Variants in DPP10 observed in about 807,000 individuals in gnomAD.
The protein encoded by DPP10 is dipeptidyl peptidase like 10.
A neutral mutation model predicts 120.9 loss-of-function variants in DPP10; 33 were observed. The ratio of observed to expected loss-of-function variants is 0.27; its 90% CI spans 0.21 to 0.37. DPP10 has a LOEUF of 0.37. Ranked by LOEUF, DPP10 falls within the 10% of genes least tolerant of loss-of-function variation. The pLI, the probability that DPP10 is intolerant of heterozygous loss-of-function variation, is 1.00. For missense variants in DPP10, 816 were observed against 942.8 expected (o/e 0.87, Z 1.76); for synonymous variants, 337 against 326.1 (o/e 1.03, Z -0.36).
intron 1 of DPP10, among the ~76,000 whole-genome samples, chr2:114,748,069 G>C (rs1678750485): frequency 6.6e-6 from 1 of 151,822 alleles, no homozygotes; most frequent in Non-Finnish European, 1.5e-5. Context: ...ATAGAAACTT[G>C]CACATTTTAT....
intron 1 of DPP10, among the ~76,000 whole-genome samples, chr2:114,544,461 T>C (rs1015983767): frequency 3.3e-5 from 5 of 152,308 alleles, no homozygotes; most frequent in East Asian, 1.9e-4. Context: ...GCAATTTCAG[T>C]AGACTGTGAT....
At chr2:114,795,953 C>T (rs1182888408) in intron 1 of DPP10, among the ~76,000 whole-genome samples, 2 of 152,148 alleles carry the variant, frequency 1.3e-5, no homozygotes, top group African/African-American at 4.8e-5. Flanking sequence ...ATCATAACTG[C>T]ATACAATTAA....
chr2:114,529,778 T>A lies in DPP10; in HGVS notation c.60+86940T>A, dbSNP rs139273835. On this transcript the variant is annotated intron_variant, in intron 1 of 25. Transcript: ENST00000410059. ...CAGGGGGGTTTGTTGTACAGATTAT[T>A]TCATCACACAGGTATTAAGCCTAGT... is the stretch of plus-strand genomic sequence containing the variant. Among the ~76,000 whole-genome samples, 48 of 152,270 alleles carry A rather than the reference T, an allele frequency of 3.2e-4. No individual in the cohort carries two copies. The East Asian group carries it at 6.4e-3, about 20-fold the overall frequency.
chr2:115,826,328 T>A (rs1208639801), intron 21 of DPP10, among the ~76,000 whole-genome samples: 3 of 152,256 alleles, frequency 2.0e-5, no homozygotes, highest in Non-Finnish European at 1.5e-5. Context: ...TTCAGTTCTA[T>A]CAGTTTTGGC....
intron 1 of DPP10, among the ~76,000 whole-genome samples, chr2:114,727,784 G>A (rs1015480415): frequency 1.3e-5 from 2 of 152,128 alleles, no homozygotes; most frequent in African/African-American, 2.4e-5. Flanking sequence ...AATAGAATTC[G>A]CCAGCCTCTG....
At chr2:115,183,252 G>GT (rs554768629) in intron 1 of DPP10, among the ~76,000 whole-genome samples, 52 of 151,988 alleles carry the variant, frequency 3.4e-4, no homozygotes, top group Admixed American at 9.2e-4. Context: ...TTAGAGATAG[G>GT]TTTTTTATTC....
At chr2:115,239,402 A>T (rs2058159388) in intron 1 of DPP10, among the ~76,000 whole-genome samples, 1 of 152,150 alleles carries the variant, frequency 6.6e-6, no homozygotes, top group African/African-American at 2.4e-5. Context: ...AGCCACCCCA[A>T]CATTCAGCAA....
chr2:114,550,333 C>G (rs550142750), intron 1 of DPP10, among the ~76,000 whole-genome samples: 1 of 152,308 alleles, frequency 6.6e-6, no homozygotes, highest in African/African-American at 2.4e-5. Flanking sequence ...AGGCACAGTT[C>G]TAAGTTCTTT....
chr2:114,650,044 A>AT (rs974937951), intron 1 of DPP10, among the ~76,000 whole-genome samples: 2 of 152,070 alleles, frequency 1.3e-5, no homozygotes, highest in Admixed American at 1.3e-4. Context: ...TATACATTTT[A>AT]TTTTTCAGAG....
chr2:114,998,811 G>A (rs1253184935), intron 1 of DPP10, among the ~76,000 whole-genome samples: 3 of 152,130 alleles, frequency 2.0e-5, no homozygotes, highest in South Asian at 2.1e-4. Flanking sequence ...GCAGGTTAGC[G>A]CTGCCCCTGT....
chr2:115,098,012 G>A (rs1462651219), intron 1 of DPP10, among the ~76,000 whole-genome samples: 1 of 152,136 alleles, frequency 6.6e-6, no homozygotes, highest in African/African-American at 2.4e-5. Context: ...CAAAATTAAG[G>A]CCACAGCAGA....
intron 3 of DPP10, among the ~76,000 whole-genome samples, chr2:115,425,492 T>G (rs567457031): frequency 5.3e-5 from 8 of 152,296 alleles, no homozygotes; most frequent in South Asian, 2.1e-4. Flanking sequence ...TCAAAATTGC[T>G]CATTCTCAGA....
At chr2:115,159,394 T>A (rs2052134360) in intron 1 of DPP10, among the ~76,000 whole-genome samples, 1 of 152,094 alleles carries the variant, frequency 6.6e-6, no homozygotes, top group Non-Finnish European at 1.5e-5. Context: ...ATAACATCAT[T>A]AGAAACCATA....
At chr2:115,764,643 T>G (rs1352760567) in intron 12 of DPP10, among the ~76,000 whole-genome samples, 1 of 152,192 alleles carries the variant, frequency 6.6e-6, no homozygotes, top group Non-Finnish European at 1.5e-5. Flanking sequence ...TTATGCTATC[T>G]AATTTTTAAA....
intron 1 of DPP10, among the ~76,000 whole-genome samples, chr2:114,646,929 TA>T (rs1696183056): frequency 6.6e-6 from 1 of 152,216 alleles, no homozygotes; most frequent in Non-Finnish European, 1.5e-5. Context: ...CTACTCATTT[TA>T]TCAAGGAGGA....
chr2:114,766,018 G>A (rs1422591567), intron 1 of DPP10, among the ~76,000 whole-genome samples: 1 of 152,068 alleles, frequency 6.6e-6, no homozygotes, highest in Non-Finnish European at 1.5e-5. Context: ...CCATGAGTGA[G>A]TGTTTGCAGA....
intron 7 of DPP10, among the ~76,000 whole-genome samples, chr2:115,712,543 A>ATATATATATATATCTATATATATAT (rs56675119): frequency 1.6e-5 from 1 of 64,276 alleles, no homozygotes; most frequent in Non-Finnish European, 2.9e-5. Flanking sequence ...TCCTGAATTA[A>ATATATATATATATCTATATATATAT]ATATATATAT....
chr2:115,536,993 A>C (rs2078888017), intron 5 of DPP10, among the ~76,000 whole-genome samples: 1 of 152,088 alleles, frequency 6.6e-6, no homozygotes, highest in Non-Finnish European at 1.5e-5. Context: ...ACTTATTTTA[A>C]AACTGTTACT....
Position 114,840,749 on chromosome 2 carries a change from T to C in DPP10, c.60+397911T>C, listed in dbSNP as rs1688091745. Among the ~76,000 whole-genome samples, 3 of 152,176 alleles carry C rather than the reference T, an allele frequency of 2.0e-5. No homozygotes were observed. The South Asian group carries it at 6.2e-4, about 31-fold the overall frequency. On this transcript the variant is annotated intron_variant, in intron 1 of 25. Coordinates refer to ENST00000410059, the MANE Select transcript of DPP10 (RefSeq NM_020868.6). ...GTATTTACACTTTGTGGTTCTTCTT[T>C]CTGTCGCTAATCCACATAAGAGAGA...
Sources: gnomAD v4.1 joint callset for allele counts (sites outside exome capture counted in the v4.1 genomes callset) on GRCh38, gnomAD v4.1.1 for gene constraint, MANE v1.5 for transcripts, NCBI Gene and HGNC (gene_info 2026-07-23, HGNC 2026-07-21) for gene names.